The following SLC25A48 variants were observed in gnomAD, a reference collection of about 807,000 sequenced individuals.
SLC25A48 encodes solute carrier family 25 member 48, also known as CTC-321K16.1.
SLC25A48 carries 29 observed loss-of-function variants against 32.2 expected under a neutral mutation model. The ratio of observed to expected loss-of-function variants is 0.90; its 90% CI spans 0.67 to 1.23. The LOEUF (loss-of-function observed/expected upper bound fraction) is 1.23, where lower values mean the gene tolerates loss of function less well. SLC25A48 is among the 50% of genes most tolerant of loss of function. The probability of loss-of-function intolerance (pLI) is 0.00; values close to 1 mark genes in which losing one functional copy is unlikely to be tolerated. For missense variants in SLC25A48, 399 were observed against 422.7 expected (o/e 0.94, Z 0.49); for synonymous variants, 164 against 172.3 (o/e 0.95, Z 0.38).
intron 2 of SLC25A48, among the ~76,000 whole-genome samples, chr5:135,634,400 T>C (rs801576): frequency 0.94 from 142,952 of 152,322 alleles, 67,191 homozygotes; most frequent in East Asian, 1. Flanking sequence ...AAGTTCTGGC[T>C]AATGGCCAAT....
Position 135,852,599 on chromosome 5 carries a change from G to A in SLC25A48, c.199G>A (p.Ala67Thr), listed in dbSNP as rs746170434. 5 of 1,603,118 alleles carry A rather than the reference G, an allele frequency of 3.1e-6. No homozygotes were observed. The highest frequency in any genetic ancestry group is 2.7e-5 in the African/African-American group (2 of 74,848). Residue 67 changes from alanine to threonine, a missense_variant, in exon 4 of 8, where the codon GCC (alanine) becomes ACC (threonine). Transcript: ENST00000681962. ...GFFKGMSFPL[A>T]SIAVYNSVVF... Reference sequence around the variant, plus strand: ...CTTCAAGGGCATGTCCTTCCCCCTCGCCAGCATTGCCGTCTACAACTCCGT... The same window carrying A: ...CTTCAAGGGCATGTCCTTCCCCCTCACCAGCATTGCCGTCTACAACTCCGT...
intron 3 of SLC25A48, among the ~76,000 whole-genome samples, chr5:135,787,201 T>A (rs971967635): frequency 6.6e-6 from 1 of 152,092 alleles, no homozygotes. Flanking sequence ...TCACAGTGGG[T>A]GTACAACAAA....
At chr5:135,631,398 C>T (rs540955527) in intron 2 of SLC25A48, among the ~76,000 whole-genome samples, 85 of 152,306 alleles carry the variant, frequency 5.6e-4, no homozygotes, top group African/African-American at 7.0e-4. Context: ...GATATGGAGG[C>T]GGAGCCATGG....
At chr5:135,662,817 C>G (rs1753435641) in intron 3 of SLC25A48, among the ~76,000 whole-genome samples, 1 of 152,186 alleles carries the variant, frequency 6.6e-6, no homozygotes, top group South Asian at 2.1e-4. Context: ...GGGTCCTTCT[C>G]TCAGTGTCCT....
chr5:135,645,821 G>A (rs749937287), intron 3 of SLC25A48, among the ~76,000 whole-genome samples: 1 of 152,212 alleles, frequency 6.6e-6, no homozygotes, highest in Non-Finnish European at 1.5e-5. Flanking sequence ...CTCTGCCTGT[G>A]TAGGCTCATG....
At chr5:135,624,660 G>T (rs1236734178) in intron 1 of SLC25A48, among the ~76,000 whole-genome samples, 1 of 152,142 alleles carries the variant, frequency 6.6e-6, no homozygotes, top group Non-Finnish European at 1.5e-5. Context: ...TACTGGCAAG[G>T]TGGGGAACCC....
chr5:135,745,701 T>C lies in SLC25A48; in HGVS notation c.-520-66822T>C, dbSNP rs974286805. On this transcript the variant is annotated intron_variant, in intron 3 of 10. Transcript: ENST00000646290. ...GTTTAGTTGCTAGCTCACGTGTTTATATTTCCCCTGTTAAGCTAAACTCCA... is the reference window on the plus strand; with the variant it reads ...GTTTAGTTGCTAGCTCACGTGTTTACATTTCCCCTGTTAAGCTAAACTCCA... 2.0e-5 allele frequency among the ~76,000 whole-genome samples: 3 copies of C among 152,220 alleles called. No homozygotes were observed. In the East Asian group the frequency reaches 5.8e-4, roughly 29 times the overall value.
At chr5:135,658,734 C>T (rs58741279) in intron 3 of SLC25A48, among the ~76,000 whole-genome samples, 5,111 of 152,318 alleles carry the variant, frequency 0.034, 124 homozygotes, top group African/African-American at 0.056. Flanking sequence ...GGCTAGATTT[C>T]AAACCTCAGC....
chr5:135,604,106 T>G (rs1054414225), intron 1 of SLC25A48, among the ~76,000 whole-genome samples: 1 of 152,242 alleles, frequency 6.6e-6, no homozygotes, highest in Non-Finnish European at 1.5e-5. Flanking sequence ...GGTTCCGTTA[T>G]TATGCCCTCT....
chr5:135,677,093 T>G (rs1478763039), intron 3 of SLC25A48, among the ~76,000 whole-genome samples: 2 of 152,044 alleles, frequency 1.3e-5, no homozygotes, highest in Non-Finnish European at 2.9e-5. Flanking sequence ...GTCTATCTCT[T>G]TCTTTAGATC....
chr5:135,797,873 C>T (rs1283255112), intron 3 of SLC25A48, among the ~76,000 whole-genome samples: 2 of 151,432 alleles, frequency 1.3e-5, no homozygotes, highest in East Asian at 1.9e-4. Flanking sequence ...AGGTGTACAC[C>T]CCTTCTGTGA....
At chr5:135,849,453 C>T (rs1292284732) in intron 2 of SLC25A48, among the ~76,000 whole-genome samples, 2 of 152,196 alleles carry the variant, frequency 1.3e-5, no homozygotes, top group East Asian at 1.9e-4. Flanking sequence ...GGTGGGCTTA[C>T]TCAGACCCTC....
chr5:135,858,316 C>T (rs1466875340), intron 4 of SLC25A48, among the ~76,000 whole-genome samples: 1 of 152,174 alleles, frequency 6.6e-6, no homozygotes, highest in Non-Finnish European at 1.5e-5. Context: ...GGCTCATCGG[C>T]TTAGCACAAA....
chr5:135,669,900 C>T (rs1753614867), intron 3 of SLC25A48, among the ~76,000 whole-genome samples: 1 of 152,152 alleles, frequency 6.6e-6, no homozygotes, highest in Non-Finnish European at 1.5e-5. Flanking sequence ...AGGTTGAAGC[C>T]CCAGTCATTA....
Position 135,758,191 on chromosome 5 carries a change from GTGT to G in SLC25A48, c.-520-54327_-520-54325del, listed in dbSNP as rs145196844. ...CTCTATAATATTTGTAATATTTCCAGTGTTGTTAGCACACAATGATGATATTAA... is the reference window on the plus strand; with the variant it reads ...CTCTATAATATTTGTAATATTTCCAGTGTTAGCACACAATGATGATATTAA... On this transcript the variant is annotated intron_variant, in intron 3 of 10. Transcript: ENST00000646290. 9.0e-3 allele frequency among the ~76,000 whole-genome samples: 1,362 copies of G among 150,720 alleles called. 24 individuals are homozygous for G. The highest frequency in any genetic ancestry group is 0.031 in the African/African-American group (1,286 of 41,462).
At chr5:135,774,816 G>A (rs1173758250) in intron 3 of SLC25A48, among the ~76,000 whole-genome samples, 1 of 151,514 alleles carries the variant, frequency 6.6e-6, no homozygotes, top group Non-Finnish European at 1.5e-5. Context: ...ATTGAAAGGG[G>A]TGTACACACC....
At chr5:135,740,420 C>T (rs997530276) in intron 3 of SLC25A48, among the ~76,000 whole-genome samples, 3 of 152,094 alleles carry the variant, frequency 2.0e-5, no homozygotes, top group African/African-American at 7.2e-5. Flanking sequence ...GTCTTGAACT[C>T]CTGACCTCAA....
In SLC25A48 at chr5:135,782,792, C is replaced by T. The variant is rs1474419269; in HGVS notation, c.-520-29731C>T. Reference sequence around the variant, plus strand: ...TGATAGTACTCCCAATATCCCTGGGCGTGTACGCCTCCCCTGTGATATTAT... The same window carrying T: ...TGATAGTACTCCCAATATCCCTGGGTGTGTACGCCTCCCCTGTGATATTAT... On this transcript the variant is annotated intron_variant, in intron 3 of 10. Coordinates refer to the SLC25A48 transcript ENST00000646290. Among the ~76,000 whole-genome samples, 3 of 118,526 alleles carry T rather than the reference C, an allele frequency of 2.5e-5. 1 individual carries two copies. Among genetic ancestry groups the T allele is most frequent in the African/African-American group, 7.7e-5 (3 of 38,938 alleles). The allele number at this position is 118,526 out of a possible 152,430, so 77.8% of individuals were successfully genotyped here. A position where few individuals can be genotyped will look rare whatever the true frequency, so the allele number is the denominator to read the frequency against.
At chr5:135,806,600 A>G (rs1304821929) in intron 3 of SLC25A48, among the ~76,000 whole-genome samples, 2 of 139,300 alleles carry the variant, frequency 1.4e-5, no homozygotes, top group African/African-American at 3.3e-5. Flanking sequence ...TTTTAATATC[A>G]TAGTGTTTTC....
Sources: gnomAD v4.1 joint callset for allele counts (sites outside exome capture counted in the v4.1 genomes callset) on GRCh38, gnomAD v4.1.1 for gene constraint, MANE v1.5 for transcripts, NCBI Gene and HGNC (gene_info 2026-07-23, HGNC 2026-07-21) for gene names.